SCP2: variants seen among roughly 807,000 people sequenced by gnomAD.
SCP2 encodes SCP-2/3-oxoacyl-CoA thiolase.
In SCP2, 48 loss-of-function variants were observed where a neutral mutation model predicts 71.4. The ratio of observed to expected loss-of-function variants is 0.67; its 90% CI spans 0.53 to 0.86. The LOEUF (loss-of-function observed/expected upper bound fraction) is 0.86. Ranked by LOEUF, SCP2 falls within the 40% of genes least tolerant of loss-of-function variation. The pLI, the probability that SCP2 is intolerant of heterozygous loss-of-function variation, is 0.00. For synonymous variants in SCP2, 220 were observed against 218.1 expected, an observed-to-expected ratio of 1.01 and a Z score of -0.08; for missense variants, 560 against 655.6, an observed-to-expected ratio of 0.85 and a Z score of 1.59.
intron 10 of SCP2, among the ~76,000 whole-genome samples, chr1:52,986,986 G>GTATATATATATATATA (rs1222189292): frequency 9.9e-6 from 1 of 101,400 alleles, no homozygotes; most frequent in African/African-American, 3.5e-5. Flanking sequence ...TTTTTCTTCT[G>GTATATATATATATATA]TATATATATA....
chr1:52,931,110 A>G (rs1295234382), intron 1 of SCP2, among the ~76,000 whole-genome samples: 1 of 152,252 alleles, frequency 6.6e-6, no homozygotes, highest in Non-Finnish European at 1.5e-5. Context: ...CAATAAGGAA[A>G]GAAAATGATA....
Position 52,999,198 on chromosome 1 carries a change from A to G in SCP2, c.1081+11062A>G, listed in dbSNP as rs955093469. On this transcript the variant is annotated intron_variant, in intron 11 of 15. Coordinates refer to ENST00000371514, the MANE Select transcript of SCP2 (RefSeq NM_002979.5). ...TGCTACATATTGAGGATTTGGATATACTTCGAGGAAATCTGGCACATGGCC... is the reference window on the plus strand; with the variant it reads ...TGCTACATATTGAGGATTTGGATATGCTTCGAGGAAATCTGGCACATGGCC... Among the ~76,000 whole-genome samples, 9 of 152,224 alleles carry G rather than the reference A, an allele frequency of 5.9e-5. No individual in the cohort carries two copies. In the South Asian group the frequency reaches 1.9e-3, roughly 32 times the overall value.
intron 11 of SCP2, among the ~76,000 whole-genome samples, chr1:52,988,980 C>T (rs1043867150): frequency 1.3e-5 from 2 of 152,220 alleles, no homozygotes; most frequent in Non-Finnish European, 2.9e-5. Context: ...GCATGGGCCA[C>T]ACACGGCCAC....
chr1:52,965,019 A>C (rs1011270823), intron 6 of SCP2, among the ~76,000 whole-genome samples: 1 of 145,450 alleles, frequency 6.9e-6, no homozygotes, highest in African/African-American at 2.4e-5. Context: ...TCAAAAACAA[A>C]CAAACAAACA....
intron 10 of SCP2, among the ~76,000 whole-genome samples, chr1:52,986,699 GA>G (rs764863035): frequency 6.6e-6 from 1 of 152,076 alleles, no homozygotes; most frequent in Non-Finnish European, 1.5e-5. Context: ...TAGGAAATGA[GA>G]ATGATAGCAC....
chr1:53,014,052 C>T (rs969519713), intron 11 of SCP2, among the ~76,000 whole-genome samples: 3 of 147,356 alleles, frequency 2.0e-5, no homozygotes, highest in Non-Finnish European at 3.0e-5. Context: ...CCTGCCACCA[C>T]GCCCGGCTAA....
At position 53,027,099 on chromosome 1, in the gene SCP2, AG is replaced by A. The variant is rs538059389; in HGVS notation, c.1236-868del. Among the ~76,000 whole-genome samples, 233 of 152,160 alleles carry A rather than the reference AG, an allele frequency of 1.5e-3. 2 individuals carry two copies. Among genetic ancestry groups the A allele is most frequent in the Admixed American group, 0.011 (168 of 15,266 alleles). ...GACTACAGACACATGCCACCATAAT[AG>A]GTTAATAAATAACTTATTTATTTAG... On this transcript the variant is annotated intron_variant, in intron 12 of 15. Coordinates refer to ENST00000371514, the MANE Select transcript of SCP2 (RefSeq NM_002979.5).
intron 2 of SCP2, among the ~76,000 whole-genome samples, chr1:52,942,369 A>C (rs1441912320): frequency 6.6e-6 from 1 of 152,176 alleles, no homozygotes; most frequent in Non-Finnish European, 1.5e-5. Context: ...ACTTTTGAGC[A>C]AAAGACGGGT....
rs1348146600 is a variant in SCP2, at chr1:53,047,920, A to G, written c.1531A>G (p.Lys511Glu). Residue 511 changes from lysine to glutamate, a missense_variant, in exon 15 of 16, where the codon AAA becomes GAA. Transcript: ENST00000371514. ...AGACTTCCTGGCTTTAATGACTGGT[A>G]AAATGAATCCTCAGTCGGTAAGTAT... Reference protein sequence around the residue: ...DSDFLALMTGKMNPQSAFFQG... With the variant: ...DSDFLALMTGEMNPQSAFFQG... The G allele has an allele frequency of 1.9e-6, 3 of 1,611,894 alleles. No individual in the cohort carries two copies. The highest frequency in any genetic ancestry group is 2.5e-6 in the Non-Finnish European group (3 of 1,177,984).
intron 2 of SCP2, among the ~76,000 whole-genome samples, chr1:52,946,795 A>G (rs11206048): frequency 0.094 from 14,189 of 150,158 alleles, 1,294 homozygotes; most frequent in African/African-American, 0.23. Context: ...GGTGGCTCAC[A>G]CCTGTAATTC....
At chr1:52,994,796 T>G in intron 11 of SCP2, 1 of 552,442 alleles carries the variant, frequency 1.8e-6, no homozygotes, top group Non-Finnish European at 3.4e-6. Context: ...TGGGATGTGA[T>G]CAGTGATGAA....
chr1:53,001,810 C>T (rs373619569), intron 11 of SCP2, among the ~76,000 whole-genome samples: 1 of 152,178 alleles, frequency 6.6e-6, no homozygotes, highest in Non-Finnish European at 1.5e-5. Context: ...CTTTTCTGAA[C>T]TCCTATACTT....
chr1:52,989,852 T>C (rs545353042), intron 11 of SCP2, among the ~76,000 whole-genome samples: 27 of 152,304 alleles, frequency 1.8e-4, no homozygotes, highest in African/African-American at 5.8e-4. Context: ...CCTGAGAATC[T>C]AGAAGCCTAA....
chr1:52,936,696 T>C (rs1214895074), intron 1 of SCP2, among the ~76,000 whole-genome samples: 1 of 152,182 alleles, frequency 6.6e-6, no homozygotes, highest in African/African-American at 2.4e-5. Context: ...TTAAAATAAA[T>C]GGGCAAGACT....
At position 52,976,778 on chromosome 1, in the gene SCP2, A is replaced by G. The variant is rs773661267; in HGVS notation, c.674+9A>G. 1 of 1,292,040 alleles carries G rather than the reference A, an allele frequency of 7.7e-7. No individual in the cohort carries two copies. The highest frequency in any genetic ancestry group is 1.1e-6 in the Non-Finnish European group (1 of 886,754). The allele number at this position is 1,292,040 out of a possible 1,614,324, so 80.0% of individuals were successfully genotyped here. A position where few individuals can be genotyped will look rare whatever the true frequency, so the allele number is the denominator to read the frequency against. On this transcript the variant is annotated intron_variant, in intron 8 of 15. Transcript: ENST00000371514. ...ACTATCTTACAATGTTGGTAAGAAA[A>G]ATATATTTTAACATTTAATGAGGGA...
chr1:52,977,343 G>T (rs1658067062), intron 8 of SCP2, among the ~76,000 whole-genome samples: 1 of 152,226 alleles, frequency 6.6e-6, no homozygotes, highest in Admixed American at 6.5e-5. Context: ...GTTGTGATAT[G>T]AGGGTCTGCC....
intron 11 of SCP2, among the ~76,000 whole-genome samples, chr1:53,009,351 G>A (rs1220276105): frequency 6.6e-6 from 1 of 152,150 alleles, no homozygotes; most frequent in Non-Finnish European, 1.5e-5. Flanking sequence ...AAAGCTGGAG[G>A]CATCACGCTA....
chr1:52,971,991 G>A (rs984421043), intron 6 of SCP2, among the ~76,000 whole-genome samples: 1 of 152,230 alleles, frequency 6.6e-6, no homozygotes, highest in Non-Finnish European at 1.5e-5. Flanking sequence ...ATGGGCCTGA[G>A]AGACAGGAGG....
At chr1:53,016,061 T>A (rs78695113) in intron 12 of SCP2, among the ~76,000 whole-genome samples, 2,610 of 152,282 alleles carry the variant, frequency 0.017, 35 homozygotes, top group Non-Finnish European at 0.025. Context: ...TATTATACTT[T>A]AAGTTGTAGG....
Sources: allele counts gnomAD v4.1 joint callset (sites outside exome capture counted in the v4.1 genomes callset), GRCh38; gene constraint gnomAD v4.1.1; transcripts MANE v1.5; gene names NCBI Gene and HGNC (gene_info 2026-07-23, HGNC 2026-07-21).